The following STYXL2 variants were observed in gnomAD, a reference collection of about 807,000 sequenced individuals.
STYXL2 encodes the protein serine/threonine/tyrosine interacting like 2.
Under a neutral mutation model 52.4 loss-of-function variants are expected in STYXL2, and 44 were observed. The observed-to-expected ratio is 0.84, with a 90% CI of 0.66 to 1.08. The LOEUF (loss-of-function observed/expected upper bound fraction) is 1.08. Among genes scored for constraint, STYXL2 ranks in the 50% least tolerant of loss-of-function variants. STYXL2 has a pLI of 0.00. For synonymous variants in STYXL2, 604 were observed against 586.9 expected (o/e 1.03, Z -0.42); for missense variants, 1,604 against 1,471.7 (o/e 1.09, Z -1.47).
rs1299407780 is a variant in STYXL2 at position 167,119,294 on chromosome 1, C to T, written c.483C>T (p.Thr161=). 1.2e-6 allele frequency: 2 copies of T among 1,614,088 alleles called. No homozygotes were observed. The highest frequency in any genetic ancestry group is 1.7e-6 in the Non-Finnish European group (2 of 1,180,046). Residue 161 remains threonine, a synonymous_variant, in exon 5 of 6, where the codon ACC becomes ACT. Transcript: ENST00000361200. ...GGAGGCTGAAGAGGCTGGGAATCAC[C>T]CACATTCTGAATGCTGCGCATGGCA... is the stretch of plus-strand genomic sequence containing the variant. ...NKGRLKRLGI[T]HILNAAHGTG...
At position 167,126,705 on chromosome 1, in the gene STYXL2, C is replaced by G; in HGVS notation, c.1574C>G (p.Ser525Cys). Reference sequence around the variant, plus strand: ...GAGGATGATGAGGACAGCGTGGGCTCTGAGGCCAGTTCCTTCTACAACTTC... The same window carrying G: ...GAGGATGATGAGGACAGCGTGGGCTGTGAGGCCAGTTCCTTCTACAACTTC... ...VREDDEDSVGSEASSFYNFCS... is the reference protein window; with the variant it reads ...VREDDEDSVGCEASSFYNFCS... Residue 525 changes from serine to cysteine, a missense_variant, in exon 6 of 6, where the codon TCT becomes TGT. Coordinates refer to ENST00000361200, the MANE Select transcript of STYXL2 (RefSeq NM_001080426.3). 6.2e-7 allele frequency: 1 copy of G among 1,614,166 alleles called. No homozygotes were observed. Among genetic ancestry groups the G allele is most frequent in the Middle Eastern group, 1.6e-4 (1 of 6,062 alleles).
In STYXL2 at chr1:167,127,924, G is replaced by A; in HGVS notation, c.2793G>A (p.Met931Ile). ...YASGSRVGKE[M>I]DSSINKWLSG... Reference sequence around the variant, plus strand: ...GTGGCAGCAGAGTTGGCAAAGAGATGGATAGCAGTATTAATAAGTGGCTCA... The same window carrying A: ...GTGGCAGCAGAGTTGGCAAAGAGATAGATAGCAGTATTAATAAGTGGCTCA... The change falls in exon 6 of 6, where the codon ATG becomes ATA. Residue 931 changes from methionine to isoleucine, a missense_variant. Transcript: ENST00000361200. 1 of 1,614,118 alleles carries A rather than the reference G, an allele frequency of 6.2e-7. No homozygotes were observed. Among genetic ancestry groups the A allele is most frequent in the Non-Finnish European group, 8.5e-7 (1 of 1,180,014 alleles).
At position 167,113,794 on chromosome 1, in the gene STYXL2, C is replaced by A. The variant is rs1301195734; in HGVS notation, c.195C>A (p.Ile65=). Residue 65 remains isoleucine (I), a synonymous_variant, in exon 3 of 6, where the codon ATC becomes ATA. Coordinates refer to ENST00000361200, the MANE Select transcript of STYXL2 (RefSeq NM_001080426.3). The part of the protein sequence containing the change: ...HLSSAIAAKQ[I]INEELKPPGV... ...CCTCAGCCATTGCAGCCAAACAGAT[C>A]ATCAATGAAGGTAATGCAATCAAAA... is the stretch of plus-strand genomic sequence containing the variant. 1.5e-5 allele frequency: 25 copies of A among 1,613,314 alleles called. No homozygotes were observed. Among genetic ancestry groups the A allele is most frequent in the Non-Finnish European group, 2.1e-5 (25 of 1,179,460 alleles).
intron 2 of STYXL2, among the ~76,000 whole-genome samples, chr1:167,107,355 AC>A (rs1272983417): frequency 1.3e-5 from 2 of 152,046 alleles, no homozygotes; most frequent in Non-Finnish European, 2.9e-5. Context: ...GTAGACATAG[AC>A]CCCACCTCTC....
intron 5 of STYXL2, among the ~76,000 whole-genome samples, chr1:167,119,853 C>T (rs546616040): frequency 1.6e-4 from 25 of 152,264 alleles, no homozygotes; most frequent in Admixed American, 1.3e-3. Context: ...GGGAGGAGGC[C>T]TTCTGACAAT....
At chr1:167,099,528 T>C (rs1373685867) in intron 2 of STYXL2, among the ~76,000 whole-genome samples, 1 of 152,162 alleles carries the variant, frequency 6.6e-6, no homozygotes, top group Non-Finnish European at 1.5e-5. Context: ...AAGGTAGAGA[T>C]CAATTAAAAA....
intron 5 of STYXL2, among the ~76,000 whole-genome samples, chr1:167,120,598 T>C (rs1016149418): frequency 4.0e-5 from 6 of 151,880 alleles, no homozygotes; most frequent in African/African-American, 1.5e-4. Context: ...TAAGGGAAAA[T>C]ACAAGCACAC....
chr1:167,122,224 A>G (rs1667871454), intron 5 of STYXL2, among the ~76,000 whole-genome samples: 1 of 152,010 alleles, frequency 6.6e-6, no homozygotes, highest in East Asian at 1.9e-4. Context: ...CAAAGGCATT[A>G]ATTCTGAAGA....
Position 167,127,640 on chromosome 1 carries a change from G to C in STYXL2, c.2509G>C (p.Gly837Arg). ...TGACAATGTGGACCTAAAGGAACTT[G>C]GCCGGAAGGAGAAGGAGATGCAGAT... is the stretch of plus-strand genomic sequence containing the variant. Reference protein sequence around the residue: ...FADNVDLKELGRKEKEMQMEL... With the variant: ...FADNVDLKELRRKEKEMQMEL... The change falls in exon 6 of 6, where the codon GGC (glycine) becomes CGC (arginine). Residue 837 changes from glycine (G) to arginine (R), a missense_variant. Transcript: ENST00000361200. The C allele has an allele frequency of 6.2e-7, 1 of 1,614,160 alleles. No individual in the cohort carries two copies. Among genetic ancestry groups the C allele is most frequent in the Non-Finnish European group, 8.5e-7 (1 of 1,180,040 alleles).
intron 3 of STYXL2, among the ~76,000 whole-genome samples, chr1:167,115,799 G>GAGATC (rs1667710309): frequency 6.6e-6 from 1 of 152,124 alleles, no homozygotes; most frequent in Non-Finnish European, 1.5e-5. Context: ...GTTTGAAACG[G>GAGATC]AGATCAGAGA....
chr1:167,108,096 C>T (rs1478566572), intron 2 of STYXL2, among the ~76,000 whole-genome samples: 4 of 152,092 alleles, frequency 2.6e-5, no homozygotes, highest in Admixed American at 1.3e-4. Flanking sequence ...GACTACAGGC[C>T]CTTGGAAATC....
In STYXL2 at chr1:167,128,726, G is replaced by C; in HGVS notation, c.*118G>C. ...ACAGAGAGGATCTTCCAGAGGGGCAGAGCCAAAATGAGAGGTACCAAGCAT... is the reference window on the plus strand; with the variant it reads ...ACAGAGAGGATCTTCCAGAGGGGCACAGCCAAAATGAGAGGTACCAAGCAT... On this transcript the variant is annotated 3_prime_UTR_variant, in exon 6 of 6. Coordinates refer to ENST00000361200, the MANE Select transcript of STYXL2 (RefSeq NM_001080426.3). 2 of 1,431,590 alleles carry C rather than the reference G, an allele frequency of 1.4e-6. No homozygotes were observed. The highest frequency in any genetic ancestry group is 3.0e-5 in the South Asian group (2 of 65,848). The allele number at this position is 1,431,590 out of a possible 1,614,324, so 88.7% of individuals were successfully genotyped here. A position where few individuals can be genotyped will look rare whatever the true frequency, so the allele number is the denominator to read the frequency against.
chr1:167,123,306 G>A lies in STYXL2; in HGVS notation c.656-2481G>A, dbSNP rs140708647. ...GCTGCCCTTTAGGCTCCTCAGAGGA[G>A]TCCCAGTGTGCTAGGAACACAGCAG... On this transcript the variant is annotated intron_variant, in intron 5 of 5. Transcript: ENST00000361200. Among the ~76,000 whole-genome samples the A allele has an allele frequency of 2.9e-3, 437 of 152,324 alleles. 3 individuals carry two copies. Among genetic ancestry groups the A allele is most frequent in the Admixed American group, 4.5e-3 (69 of 15,302 alleles).
At chr1:167,116,650 G>GT (rs1308073217) in intron 3 of STYXL2, among the ~76,000 whole-genome samples, 55 of 93,230 alleles carry the variant, frequency 5.9e-4, no homozygotes, top group Admixed American at 6.9e-4. Flanking sequence ...TTTTTTTTTT[G>GT]GTTTTTTTTT....
At chr1:167,107,889 A>G (rs1039479259) in intron 2 of STYXL2, among the ~76,000 whole-genome samples, 9 of 152,220 alleles carry the variant, frequency 5.9e-5, no homozygotes, top group Admixed American at 1.3e-4. Context: ...TAAAGAAGGG[A>G]CGATTGAACT....
rs753740372 is a variant in STYXL2, at chr1:167,117,314, C to A, written c.206-14C>A. On this transcript the variant is annotated splice_polypyrimidine_tract_variant and intron_variant, in intron 3 of 5. Transcript: ENST00000361200. ...TCCTAACTCTCTGATGAGAATGCTG[C>A]CTGTCTCCTCTAGAACTCAAGCCAC... 2 of 1,591,080 alleles carry A rather than the reference C, an allele frequency of 1.3e-6. No individual in the cohort carries two copies. The highest frequency in any genetic ancestry group is 1.7e-6 in the Non-Finnish European group (2 of 1,167,592).
At chr1:167,122,273 G>T (rs1667872410) in intron 5 of STYXL2, among the ~76,000 whole-genome samples, 2 of 152,128 alleles carry the variant, frequency 1.3e-5, no homozygotes, top group Admixed American at 1.3e-4. Flanking sequence ...TGGCACGCCG[G>T]GCAGGCCTGG....
chr1:167,102,437 G>C (rs539349497), intron 2 of STYXL2, among the ~76,000 whole-genome samples: 9 of 152,116 alleles, frequency 5.9e-5, no homozygotes, highest in African/African-American at 2.2e-4. Flanking sequence ...ACCCTTGAAA[G>C]CTTGCTTAAA....
intron 2 of STYXL2, among the ~76,000 whole-genome samples, chr1:167,098,165 C>A (rs899930821): frequency 4.6e-5 from 7 of 151,972 alleles, no homozygotes; most frequent in African/African-American, 1.7e-4. Flanking sequence ...GTGCAAGCTA[C>A]CCCACCCAGC....
Sources: allele counts gnomAD v4.1 joint callset (sites outside exome capture counted in the v4.1 genomes callset), GRCh38; gene constraint gnomAD v4.1.1; transcripts MANE v1.5; gene names NCBI Gene and HGNC (gene_info 2026-07-23, HGNC 2026-07-21).